ADAM22: variants seen among roughly 807,000 people sequenced by gnomAD.
ADAM22 encodes ADAM metallopeptidase domain 22, also known as disintegrin and metalloproteinase domain-containing protein 22.
Under a neutral mutation model 144.6 loss-of-function variants are expected in ADAM22, and 65 were observed. That is an observed-to-expected ratio of 0.45 (90% CI 0.37 to 0.55). The LOEUF is 0.55. ADAM22 is among the 20% of genes least tolerant of loss of function. The pLI is 0.00. For missense variants in ADAM22, 974 were observed against 1,184.9 expected, an observed-to-expected ratio of 0.82 and a Z score of 2.61; for synonymous variants, 391 against 412.6, an observed-to-expected ratio of 0.95 and a Z score of 0.63.
In ADAM22 at chr7:88,182,034, A is replaced by G; in HGVS notation, c.2663+10A>G. The G allele has an allele frequency of 6.2e-7, 1 of 1,611,380 alleles. No homozygotes were observed. The highest frequency in any genetic ancestry group is 8.5e-7 in the Non-Finnish European group (1 of 1,179,040). ...GGTCTAATTCAACTGAGTAAGTCTG[A>G]ACCTCTAATGGAAAAAGGCACTCCA... On this transcript the variant is annotated intron_variant, in intron 29 of 31. Transcript: ENST00000413139.
chr7:88,089,829 G>A (rs1002530304), intron 4 of ADAM22: 1 of 152,182 alleles, frequency 6.6e-6, no homozygotes, highest in Admixed American at 6.6e-5. Flanking sequence ...TGGCTCTGTG[G>A]AGATGGGGAG....
chr7:88,005,285 A>G (rs192379863), intron 3 of ADAM22, among the ~76,000 whole-genome samples: 2 of 152,262 alleles, frequency 1.3e-5, no homozygotes, highest in South Asian at 2.1e-4. Context: ...CTGAAAAACA[A>G]TATAAGACTG....
chr7:87,945,798 C>T (rs1268844398), intron 2 of ADAM22, among the ~76,000 whole-genome samples: 1 of 152,184 alleles, frequency 6.6e-6, no homozygotes, highest in African/African-American at 2.4e-5. Context: ...CAGGCGTGAA[C>T]CACCACGCCC....
chr7:87,945,564 G>C (rs1385638011), intron 2 of ADAM22, among the ~76,000 whole-genome samples: 1 of 149,776 alleles, frequency 6.7e-6, no homozygotes, highest in East Asian at 2.0e-4. Flanking sequence ...CCAGGCTGGA[G>C]TGCAGTGGTG....
intron 3 of ADAM22, among the ~76,000 whole-genome samples, chr7:88,029,276 G>T (rs1002319642): frequency 6.6e-6 from 1 of 151,768 alleles, no homozygotes; most frequent in Non-Finnish European, 1.5e-5. Flanking sequence ...GTTACCACTA[G>T]GCTTGTAAAT....
At chr7:88,110,674 C>CTCTTTTCTTTT in intron 5 of ADAM22, among the ~76,000 whole-genome samples, 1 of 148,622 alleles carries the variant, frequency 6.7e-6, no homozygotes, top group African/African-American at 2.5e-5. Flanking sequence ...CTTTTCTCTT[C>CTCTTTTCTTTT]TCTTTTCTTT....
Position 88,136,025 on chromosome 7 carries a change from A to T in ADAM22, c.1214A>T (p.Asp405Val). The T allele has an allele frequency of 4.3e-6, 7 of 1,612,028 alleles. No individual in the cohort carries two copies. Among genetic ancestry groups the T allele is most frequent in the Non-Finnish European group, 5.9e-6 (7 of 1,178,934 alleles). ...ACGTGGTCCGGGTGCATAATGGGAG[A>T]CACTGGGTGAGCCACTTGTATTTGA... is the stretch of plus-strand genomic sequence containing the variant. ...EDTWSGCIMG[D>V]TGYYLPKKFT... The change falls in exon 14 of 32, where the codon GAC (aspartate) becomes GTC (valine). Residue 405 changes from aspartate (D) to valine (V), a missense_variant. Around this residue, in one of 2 missense-constraint regions of ADAM22, gnomAD observed 734 missense variants for 950.6 expected, o/e 0.77. Transcript: ENST00000413139.
chr7:88,122,340 CA>C (rs1433621537), intron 7 of ADAM22, among the ~76,000 whole-genome samples: 1 of 152,170 alleles, frequency 6.6e-6, no homozygotes, highest in Non-Finnish European at 1.5e-5. Flanking sequence ...AATGACAGTT[CA>C]TCACCTTTGC....
chr7:87,978,285 T>C (rs1852393337), intron 2 of ADAM22, 51 bp from the exon 3 acceptor site: 3 of 1,322,314 alleles, frequency 2.3e-6, no homozygotes, highest in African/African-American at 2.9e-5. Context: ...ACTAATTGTC[T>C]GATTAGTATG....
At chr7:88,060,754 GA>G (rs1809576759) in intron 3 of ADAM22, among the ~76,000 whole-genome samples, 2 of 141,166 alleles carry the variant, frequency 1.4e-5, no homozygotes, top group Admixed American at 1.4e-4. Flanking sequence ...GCGACAGAAT[GA>G]GACTCCATCT....
chr7:88,161,367 C>T (rs58402460), intron 22 of ADAM22, among the ~76,000 whole-genome samples: 3,154 of 152,034 alleles, frequency 0.021, 89 homozygotes, highest in African/African-American at 0.07. Context: ...TATAAAAACC[C>T]TGGAAGACAA....
chr7:88,053,747 A>T (rs751959580), intron 3 of ADAM22, among the ~76,000 whole-genome samples: 1 of 152,208 alleles, frequency 6.6e-6, no homozygotes, highest in African/African-American at 2.4e-5. Context: ...AGGGCTACAT[A>T]GTATATACCA....
chr7:87,955,255 T>C (rs533302403), intron 2 of ADAM22, among the ~76,000 whole-genome samples: 32 of 152,226 alleles, frequency 2.1e-4, no homozygotes, highest in African/African-American at 6.5e-4. Context: ...TTTTCCCCAT[T>C]TTTGTGGTTT....
intron 3 of ADAM22, among the ~76,000 whole-genome samples, chr7:88,045,042 ACT>A (rs1304960709): frequency 7.0e-6 from 1 of 141,914 alleles, no homozygotes; most frequent in East Asian, 2.1e-4. Flanking sequence ...CTTGAGACAA[ACT>A]CTCGCTCTTG....
rs1831715867 is a variant in ADAM22, at chr7:88,131,350, G to C, written c.907G>C (p.Glu303Gln). The C allele has an allele frequency of 2.5e-6, 4 of 1,613,710 alleles. No individual in the cohort carries two copies. In the South Asian group the frequency reaches 3.3e-5, roughly 13 times the overall value. Reference sequence around the variant, plus strand: ...GACTGACAACAAGTTTGCCATATCTGAAAATCCATTGATCACCCTACGTGA... The same window carrying C: ...GACTGACAACAAGTTTGCCATATCTCAAAATCCATTGATCACCCTACGTGA... ...WATDNKFAIS[E>Q]NPLITLREFM... The change falls in exon 11 of 32, where the codon GAA (glutamate) becomes CAA (glutamine). Residue 303 changes from glutamate to glutamine, a missense_variant. Glu to Gln is a conservative substitution (Grantham distance 29). This residue lies in a region of ADAM22 where 734 missense variants were observed against 950.6 expected (regional missense o/e 0.77). Coordinates refer to ENST00000413139, the MANE Select transcript of ADAM22 (RefSeq NM_001324418.2).
At chr7:87,955,946 A>G (rs1846599185) in intron 2 of ADAM22, among the ~76,000 whole-genome samples, 1 of 152,098 alleles carries the variant, frequency 6.6e-6, no homozygotes, top group Non-Finnish European at 1.5e-5. Flanking sequence ...GCGGGATATA[A>G]TCTCCTGGTG....
At chr7:87,955,820 C>T (rs1286963009) in intron 2 of ADAM22, among the ~76,000 whole-genome samples, 2 of 152,180 alleles carry the variant, frequency 1.3e-5, no homozygotes, top group African/African-American at 4.8e-5. Flanking sequence ...CCTAAGCGAG[C>T]CTGGGCAATG....
In ADAM22 at chr7:88,189,154, T is replaced by C. The variant is rs1462709405; in HGVS notation, c.2750+2453T>C. On this transcript the variant is annotated intron_variant, in intron 30 of 31. Coordinates refer to ENST00000413139, the MANE Select transcript of ADAM22 (RefSeq NM_001324418.2). ...GCCCCCTTATCCAGTTTCGATATGATGGTGGTTGCTCAGGTTGTCCTCTGC... is the reference window on the plus strand; with the variant it reads ...GCCCCCTTATCCAGTTTCGATATGACGGTGGTTGCTCAGGTTGTCCTCTGC... Among the ~76,000 whole-genome samples, 4 of 152,148 alleles carry C rather than the reference T, an allele frequency of 2.6e-5. No homozygotes were observed. The East Asian group carries it at 5.8e-4, about 22-fold the overall frequency.
rs570216817 is a variant in ADAM22, at chr7:87,954,431, G to T, written c.246+19245G>T. Among the ~76,000 whole-genome samples the T allele has an allele frequency of 7.9e-5, 12 of 152,090 alleles. No individual in the cohort carries two copies. The East Asian group carries it at 2.1e-3, about 27-fold the overall frequency. ...TACTTTGGCTGGATATGAAACTCTG[G>T]GTTGAAAATTCTTATTTTTAAGAAT... On this transcript the variant is annotated intron_variant, in intron 2 of 31. Coordinates refer to ENST00000413139, the MANE Select transcript of ADAM22 (RefSeq NM_001324418.2).
Sources: allele counts gnomAD v4.1 joint callset (sites outside exome capture counted in the v4.1 genomes callset), GRCh38; gene constraint gnomAD v4.1.1; regional missense constraint gnomAD v4.1.1; transcripts MANE v1.5; gene names NCBI Gene and HGNC (gene_info 2026-07-23, HGNC 2026-07-21).